Variants in MYO16 observed in about 807,000 individuals in gnomAD.
The protein encoded by MYO16 is myosin XVI.
In MYO16, 94 loss-of-function variants were observed where a neutral mutation model predicts 205.3. The observed-to-expected ratio is 0.46, with a 90% CI of 0.39 to 0.54. The LOEUF (loss-of-function observed/expected upper bound fraction) is 0.54, where lower values mean the gene tolerates loss of function less well. Among genes scored for constraint, MYO16 ranks in the 20% least tolerant of loss-of-function variants. The pLI is 0.00. For missense variants in MYO16, 2,315 were observed against 2,387.5 expected, an observed-to-expected ratio of 0.97 and a Z score of 0.63; for synonymous variants, 988 against 954.0, an observed-to-expected ratio of 1.04 and a Z score of -0.66.
chr13:108,656,154 T>C (rs1198356270), intron 1 of MYO16, among the ~76,000 whole-genome samples: 2 of 152,130 alleles, frequency 1.3e-5, no homozygotes, highest in Non-Finnish European at 2.9e-5. Flanking sequence ...CATCTTGAAT[T>C]ATTCTCCCAT....
At chr13:108,820,191 G>A (rs1875887472) in intron 7 of MYO16, 146 bp from the exon 8 acceptor site, 2 of 557,166 alleles carry the variant, frequency 3.6e-6, no homozygotes, top group Non-Finnish European at 6.3e-6. Context: ...AAAAGGCACT[G>A]GGAAAGGGGA....
At chr13:109,046,318 CTA>C (rs1192667041) in intron 23 of MYO16, among the ~76,000 whole-genome samples, 1 of 151,838 alleles carries the variant, frequency 6.6e-6, no homozygotes, top group Non-Finnish European at 1.5e-5. Context: ...AGACAACAAA[CTA>C]TTTCAGTCTT....
chr13:108,980,276 C>T (rs1171464980), intron 20 of MYO16, among the ~76,000 whole-genome samples: 1 of 152,174 alleles, frequency 6.6e-6, no homozygotes, highest in African/African-American at 2.4e-5. Flanking sequence ...GCCAAGAGTG[C>T]AGAGGCTAAA....
intron 16 of MYO16, among the ~76,000 whole-genome samples, chr13:108,931,657 G>A (rs936460109): frequency 1.3e-5 from 2 of 152,112 alleles, no homozygotes; most frequent in Middle Eastern, 3.2e-3. Flanking sequence ...GAAACATTAT[G>A]CCCATAAGTC....
chr13:108,579,095 G>A, the MYO16 span, among the ~76,000 whole-genome samples: 400 of 152,190 alleles, frequency 2.6e-3, 2 homozygotes, highest in South Asian at 0.019. Context: ...GGGATGTTAG[G>A]GTAGAAAGAC....
chr13:109,102,506 G>T (rs1889002879), intron 28 of MYO16, among the ~76,000 whole-genome samples: 1 of 144,372 alleles, frequency 6.9e-6, no homozygotes, highest in Non-Finnish European at 1.5e-5. Flanking sequence ...GTGTGTGTGT[G>T]TGTATATATA....
In MYO16 at chr13:108,948,020, C is replaced by T. The variant is rs996831823; in HGVS notation, c.1926-9668C>T. Among the ~76,000 whole-genome samples, 13 of 152,244 alleles carry T rather than the reference C, an allele frequency of 8.5e-5. No individual in the cohort carries two copies. The East Asian group carries it at 1.5e-3, about 18-fold the overall frequency. ...CCAGGTGGAGACTTGTGTATCTGAACGCATGGTTAATAAAAAGTTGTACTC... is the reference window on the plus strand; with the variant it reads ...CCAGGTGGAGACTTGTGTATCTGAATGCATGGTTAATAAAAAGTTGTACTC... On this transcript the variant is annotated intron_variant, in intron 16 of 34. Transcript: ENST00000457511.
intron 20 of MYO16, among the ~76,000 whole-genome samples, chr13:108,990,560 G>A (rs781721763): frequency 3.3e-5 from 5 of 151,958 alleles, no homozygotes; most frequent in Non-Finnish European, 5.9e-5. Flanking sequence ...TTAATTTCTT[G>A]TTCTAACATT....
At chr13:108,819,035 G>GA (rs545581766) in intron 7 of MYO16, among the ~76,000 whole-genome samples, 1 of 151,922 alleles carries the variant, frequency 6.6e-6, no homozygotes, top group African/African-American at 2.4e-5. Context: ...CAATCTCTTG[G>GA]AAAAAAATAT....
At chr13:109,138,096 A>G (rs1219538798) in intron 31 of MYO16, among the ~76,000 whole-genome samples, 1 of 152,252 alleles carries the variant, frequency 6.6e-6, no homozygotes, top group Non-Finnish European at 1.5e-5. Context: ...ATGAATGAAT[A>G]AAAGGTCATG....
At chr13:108,625,773 A>G (rs547398079), upstream of MYO16, among the ~76,000 whole-genome samples, 2 of 152,294 alleles carry the variant, frequency 1.3e-5, no homozygotes, top group South Asian at 4.1e-4. Flanking sequence ...TTCATTTAGA[A>G]TTTTTGTCAT....
intron 16 of MYO16, among the ~76,000 whole-genome samples, chr13:108,932,679 T>G (rs1363734683): frequency 6.6e-6 from 1 of 152,180 alleles, no homozygotes; most frequent in Non-Finnish European, 1.5e-5. Context: ...GTTTCCTTGT[T>G]GTCTGGCTGT....
chr13:108,889,733 C>T (rs56281054), intron 14 of MYO16, among the ~76,000 whole-genome samples: 1,744 of 152,222 alleles, frequency 0.011, 20 homozygotes, highest in South Asian at 0.026. Context: ...AGAGGATACT[C>T]CACCCTTGCT....
At chr13:108,620,040 A>G (rs1325981059) in intron 1 of MYO16, among the ~76,000 whole-genome samples, 2 of 152,126 alleles carry the variant, frequency 1.3e-5, no homozygotes, top group East Asian at 3.9e-4. Context: ...ATGCTCCTTT[A>G]TGGCTGAATG....
rs186007583 is a variant in MYO16 at position 108,950,409 on chromosome 13, A to G, written c.1926-7279A>G. 3.9e-5 allele frequency among the ~76,000 whole-genome samples: 6 copies of G among 152,350 alleles called. No individual in the cohort carries two copies. In the East Asian group the frequency reaches 1.2e-3, roughly 29 times the overall value. On this transcript the variant is annotated intron_variant, in intron 16 of 34. Coordinates refer to ENST00000457511, the MANE Select transcript of MYO16 (RefSeq NM_001198950.3). Reference sequence around the variant, plus strand: ...TGAAGGGATATTTCACCAAATATGAATATACGGATAGCACATAAGCATGTG... The same window carrying G: ...TGAAGGGATATTTCACCAAATATGAGTATACGGATAGCACATAAGCATGTG...
intron 5 of MYO16, among the ~76,000 whole-genome samples, chr13:108,788,897 C>T (rs1886535029): frequency 6.6e-6 from 1 of 152,178 alleles, no homozygotes; most frequent in African/African-American, 2.4e-5. Flanking sequence ...ACTTAGGTTT[C>T]CTTCGAATGC....
chr13:108,747,638 A>T (rs898287800), intron 4 of MYO16, among the ~76,000 whole-genome samples: 5 of 152,194 alleles, frequency 3.3e-5, no homozygotes, highest in Admixed American at 6.5e-5. Flanking sequence ...GAGCAAATGT[A>T]ATACATGGAA....
the MYO16 span, among the ~76,000 whole-genome samples, chr13:108,583,981 T>C: frequency 8.1e-4 from 124 of 152,178 alleles, no homozygotes; most frequent in African/African-American, 2.9e-3. Context: ...TGATACGGAG[T>C]CTCGCTCTGT....
chr13:109,076,187 A>G (rs1594062703), intron 27 of MYO16, among the ~76,000 whole-genome samples: 2 of 152,136 alleles, frequency 1.3e-5, no homozygotes, highest in African/African-American at 4.8e-5. Flanking sequence ...ATTTATTGAA[A>G]GAAAAAGCTT....
Sources: gnomAD v4.1 joint callset for allele counts (sites outside exome capture counted in the v4.1 genomes callset) on GRCh38, gnomAD v4.1.1 for gene constraint, MANE v1.5 for transcripts, NCBI Gene and HGNC (gene_info 2026-07-23, HGNC 2026-07-21) for gene names.